ZNF74: variants seen among roughly 807,000 people sequenced by gnomAD.
ZNF74 encodes zinc finger protein 520.
Under a neutral mutation model 17.7 loss-of-function variants are expected in ZNF74, and 12 were observed. That is an observed-to-expected ratio of 0.68 (90% confidence interval 0.43 to 1.10). ZNF74 has a LOEUF of 1.10. Among genes scored for constraint, ZNF74 ranks in the 50% least tolerant of loss-of-function variants. ZNF74 has a pLI of 0.00. For synonymous variants in ZNF74, 358 were observed against 362.1 expected, an observed-to-expected ratio of 0.99 and a Z score of 0.13; for missense variants, 811 against 881.0, an observed-to-expected ratio of 0.92 and a Z score of 1.01.
At chr22:20,395,298 G>A in intron 1 of ZNF74, 35 bp from the exon 2 acceptor site, 2 of 1,525,500 alleles carry the variant, frequency 1.3e-6, no homozygotes, top group Non-Finnish European at 1.8e-6. Context: ...CGTGAGCCTG[G>A]TAGCCGTGAC....
At chr22:20,405,196 G>A (rs376193943) in intron 4 of ZNF74, among the ~76,000 whole-genome samples, 181 bp from the exon 5 acceptor site, 62 of 152,148 alleles carry the variant, frequency 4.1e-4, no homozygotes, top group African/African-American at 1.5e-3. Context: ...CCTTCTTCCC[G>A]CTCTTGCTTG....
chr22:20,405,497 C>T lies in ZNF74; in HGVS notation c.464C>T (p.Ala155Val). The change falls in exon 5 of 5, where the codon GCT becomes GTT. Residue 155 changes from alanine (A) to valine (V), a missense_variant. Coordinates refer to ENST00000400451, the MANE Select transcript of ZNF74 (RefSeq NM_003426.4). ...GAQAWGRQAG[A>V]LQRSQAAPWA... is the part of the protein sequence containing the mutation. Reference sequence around the variant, plus strand: ...CAGGCGTGGGGGCGCCAGGCAGGTGCTCTGCAGAGGAGTCAGGCTGCGCCC... The same window carrying T: ...CAGGCGTGGGGGCGCCAGGCAGGTGTTCTGCAGAGGAGTCAGGCTGCGCCC... 6.2e-7 allele frequency: 1 copy of T among 1,607,214 alleles called. No homozygotes were observed. The highest frequency in any genetic ancestry group is 8.5e-7 in the Non-Finnish European group (1 of 1,177,626).
Position 20,400,491 on chromosome 22 carries a change from T to C in ZNF74, c.121-141T>C. ...GGTCCCCGAATTCAGTCATGGTCAG[T>C]GTCTACAGCACAACCTTCTGGCATG... On this transcript the variant is annotated intron_variant, in intron 2 of 4. Transcript: ENST00000400451. The C allele has an allele frequency of 2.5e-5, 24 of 969,642 alleles. No individual in the cohort carries two copies. The South Asian group carries it at 3.2e-4, about 13-fold the overall frequency. 60.1% of individuals were successfully genotyped at this position (969,642 alleles called of 1,614,324 possible).
chr22:20,405,322 A>G, intron 4 of ZNF74, 55 bp from the exon 5 acceptor site: 1 of 1,527,214 alleles, frequency 6.5e-7, no homozygotes, highest in Non-Finnish European at 8.8e-7. Context: ...CTCAAATCTG[A>G]ATTCTAGGCC....
Position 20,405,747 on chromosome 22 carries a change from G to GC in ZNF74, c.715dup (p.Arg239ProfsTer42). 6.2e-7 allele frequency: 1 copy of GC among 1,604,920 alleles called. No homozygotes were observed. Among genetic ancestry groups the GC allele is most frequent in the Non-Finnish European group, 8.5e-7 (1 of 1,176,310 alleles). On this transcript the variant is annotated frameshift_variant, in exon 5 of 5. Transcript: ENST00000400451. LOFTEE classifies it low-confidence loss of function (END_TRUNC). ...AAAAGTTCCCCCAGGTGCGCCGGCAGCGCGGGGCGGGCGCCGGGGAGGGCG... is the reference window on the plus strand; with the variant it reads ...AAAAGTTCCCCCAGGTGCGCCGGCAGCCGCGGGGCGGGCGCCGGGGAGGGCG...
In ZNF74 at chr22:20,406,921, C is replaced by T. The variant is rs374312289; in HGVS notation, c.1888C>T (p.Pro630Ser). Residue 630 changes from proline (P) to serine (S), a missense_variant, in exon 5 of 5, where the codon CCC (proline) becomes TCC (serine). Coordinates refer to ENST00000400451, the MANE Select transcript of ZNF74 (RefSeq NM_003426.4). ...GGCAAAGCTCTTGTGCGTGGTTCCC[C>T]CCAGAGCTGGCAGGAATTTCTCCCT... The part of the protein sequence containing the change: ...DVAKLLCVVP[P>S]RAGRNFSLGS... 4 of 1,613,672 alleles carry T rather than the reference C, an allele frequency of 2.5e-6. No individual in the cohort carries two copies. The highest frequency in any genetic ancestry group is 1.7e-5 in the Admixed American group (1 of 60,004).
rs1276741805 is a variant in ZNF74 at position 20,394,275 on chromosome 22, T to C, written c.-354T>C. 1.4e-6 allele frequency: 1 copy of C among 706,642 alleles called. No individual in the cohort carries two copies. Among genetic ancestry groups the C allele is most frequent in the Non-Finnish European group, 2.6e-6 (1 of 381,774 alleles). The allele number at this position is 706,642 out of a possible 1,614,324, so 43.8% of individuals were successfully genotyped here. On this transcript the variant is annotated 5_prime_UTR_variant, in exon 1 of 5. Coordinates refer to ENST00000400451, the MANE Select transcript of ZNF74 (RefSeq NM_003426.4). Reference sequence around the variant, plus strand: ...GCTTCGGGACCTGTCCGCTGGTCGCTCCGCGTCCGATGGCTCCTGGCCGCG... The same window carrying C: ...GCTTCGGGACCTGTCCGCTGGTCGCCCCGCGTCCGATGGCTCCTGGCCGCG...
In ZNF74 at chr22:20,401,767, A is replaced by G. The variant is rs1191323126; in HGVS notation, c.343+395A>G. On this transcript the variant is annotated intron_variant, in intron 4 of 4. Transcript: ENST00000400451. The surrounding 1 kb of genome is among the most constrained non-coding windows in gnomAD (Gnocchi z 4.2). ...GAGCATCAGCATCAGGGCCAGCGTC[A>G]GCGTCAGGGTCAGAGCCAGCATCAG... Among the ~76,000 whole-genome samples, 1 of 152,120 alleles carries G rather than the reference A, an allele frequency of 6.6e-6. No individual in the cohort carries two copies. Among genetic ancestry groups the G allele is most frequent in the African/African-American group, 2.4e-5 (1 of 41,406 alleles).
rs576064890 is a variant in ZNF74 at position 20,398,274 on chromosome 22, A to T, written c.121-2358A>T. 5.1e-4 allele frequency among the ~76,000 whole-genome samples: 77 copies of T among 150,346 alleles called. 1 individual carries two copies. The highest frequency in any genetic ancestry group is 1.8e-3 in the African/African-American group (73 of 40,490). On this transcript the variant is annotated intron_variant, in intron 2 of 4. Coordinates refer to ENST00000400451, the MANE Select transcript of ZNF74 (RefSeq NM_003426.4). ...AGAGGTTGCAGTGAGCTGAGATTGCACCACTGTACTCCAGCCTGGGTGACA... is the reference window on the plus strand; with the variant it reads ...AGAGGTTGCAGTGAGCTGAGATTGCTCCACTGTACTCCAGCCTGGGTGACA...
In ZNF74 at chr22:20,401,015, A is replaced by G. The variant is rs1332398584; in HGVS notation, c.247+257A>G. ...GATAGGGGCAGGGAGAGAAGAGAAGAAGGTGGGACCCTGGAGCCCAGCTGG... is the reference window on the plus strand; with the variant it reads ...GATAGGGGCAGGGAGAGAAGAGAAGGAGGTGGGACCCTGGAGCCCAGCTGG... On this transcript the variant is annotated intron_variant, in intron 3 of 4. Transcript: ENST00000400451. The surrounding 1 kb of genome is among the most constrained non-coding windows in gnomAD (Gnocchi z 4.2). 16 of 595,968 alleles carry G rather than the reference A, an allele frequency of 2.7e-5. No homozygotes were observed. Among genetic ancestry groups the G allele is most frequent in the Non-Finnish European group, 4.7e-5 (16 of 337,038 alleles). 36.9% of individuals were successfully genotyped at this position (595,968 alleles called of 1,614,324 possible). A position where few individuals can be genotyped will look rare whatever the true frequency, so the allele number is the denominator to read the frequency against.
At position 20,401,283 on chromosome 22, in the gene ZNF74, C is replaced by T; in HGVS notation, c.254C>T (p.Pro85Leu). The T allele has an allele frequency of 6.2e-7, 1 of 1,610,038 alleles. No individual in the cohort carries two copies. The change falls in exon 4 of 5, where the codon CCA (proline) becomes CTA (leucine). Residue 85 changes from proline to leucine, a missense_variant. Transcript: ENST00000400451. This position sits in a 1 kb window ranked among gnomAD's most constrained non-coding sequence, Gnocchi z 4.2. Reference sequence around the variant, plus strand: ...ACTTTCTCTCCACGAGCAGGACCTCCACTGCACAAGCCAGATGTGATCTCT... The same window carrying T: ...ACTTTCTCTCCACGAGCAGGACCTCTACTGCACAAGCCAGATGTGATCTCT... ...NYQNLLALGP[P>L]LHKPDVISHL... is the part of the protein sequence containing the mutation.
chr22:20,399,344 C>G (rs1408253184), intron 2 of ZNF74, among the ~76,000 whole-genome samples: 1 of 150,734 alleles, frequency 6.6e-6, no homozygotes, highest in Non-Finnish European at 1.5e-5. Flanking sequence ...AGTCCTCTCT[C>G]TGAAATCTAC....
intron 4 of ZNF74, among the ~76,000 whole-genome samples, chr22:20,402,480 C>G (rs1207787453): frequency 2.7e-5 from 4 of 150,302 alleles, no homozygotes; most frequent in African/African-American, 5.0e-5. Flanking sequence ...TTCCTCTGGG[C>G]CCTTCCTCTG....
At chr22:20,396,682 C>A (rs115673348) in intron 2 of ZNF74, among the ~76,000 whole-genome samples, 63 of 152,202 alleles carry the variant, frequency 4.1e-4, no homozygotes, top group African/African-American at 1.4e-3. Flanking sequence ...CTTGTTAGAT[C>A]TTTGAATAAC....
In ZNF74 at chr22:20,404,440, A is replaced by G. The variant is rs554451515; in HGVS notation, c.344-937A>G. 2.6e-5 allele frequency among the ~76,000 whole-genome samples: 4 copies of G among 152,050 alleles called. No individual in the cohort carries two copies. In the South Asian group the frequency reaches 8.3e-4, roughly 32 times the overall value. On this transcript the variant is annotated intron_variant, in intron 4 of 4. Coordinates refer to ENST00000400451, the MANE Select transcript of ZNF74 (RefSeq NM_003426.4). ...CTCCCTAGGCTCAGGTGATCCTCCCACCTCAGCCTCCTGAGTAGCTGGGAC... is the reference window on the plus strand; with the variant it reads ...CTCCCTAGGCTCAGGTGATCCTCCCGCCTCAGCCTCCTGAGTAGCTGGGAC...
At chr22:20,397,457 G>A (rs1054549770) in intron 2 of ZNF74, among the ~76,000 whole-genome samples, 5 of 152,136 alleles carry the variant, frequency 3.3e-5, no homozygotes, top group Non-Finnish European at 5.9e-5. Flanking sequence ...TTGAGCAAAC[G>A]TATACAGTTG....
intron 2 of ZNF74, among the ~76,000 whole-genome samples, chr22:20,397,410 C>T (rs999922330): frequency 6.6e-6 from 1 of 152,092 alleles, no homozygotes; most frequent in Non-Finnish European, 1.5e-5. Context: ...TTATATACAG[C>T]ACAGTTGTAC....
chr22:20,406,278 G>A lies in ZNF74; in HGVS notation c.1245G>A (p.Pro415=), dbSNP rs756476845. 18 of 1,607,590 alleles carry A rather than the reference G, an allele frequency of 1.1e-5. No homozygotes were observed. The highest frequency in any genetic ancestry group is 3.3e-5 in the South Asian group (3 of 90,886). The stretch of plus-strand genomic sequence containing the variant: ...AGAAGATCCACAGCGGGGACAAGCC[G>A]TTCAAGTGCAGCGACTGCGAGAAGG... ...VHEKIHSGDK[P]FKCSDCEKAF... is the part of the protein sequence containing the mutation. Residue 415 remains proline (P), a synonymous_variant, in exon 5 of 5, where the codon CCG becomes CCA. Coordinates refer to ENST00000400451, the MANE Select transcript of ZNF74 (RefSeq NM_003426.4).
At position 20,407,057 on chromosome 22, in the gene ZNF74, C is replaced by T; in HGVS notation, c.*89C>T. On this transcript the variant is annotated 3_prime_UTR_variant, in exon 5 of 5. Coordinates refer to ENST00000400451, the MANE Select transcript of ZNF74 (RefSeq NM_003426.4). ...CTCCCTGGCTCCTAGATCCAGACCA[C>T]CTTCCTCCAGGTGTGGGAGCCTTGC... is the stretch of plus-strand genomic sequence containing the variant. 1 of 1,470,248 alleles carries T rather than the reference C, an allele frequency of 6.8e-7. No individual in the cohort carries two copies. Among genetic ancestry groups the T allele is most frequent in the Non-Finnish European group, 9.0e-7 (1 of 1,112,068 alleles). The allele number at this position is 1,470,248 out of a possible 1,614,324, so 91.1% of individuals were successfully genotyped here. A position where few individuals can be genotyped will look rare whatever the true frequency, so the allele number is the denominator to read the frequency against.
Sources: gnomAD v4.1 joint callset for allele counts (sites outside exome capture counted in the v4.1 genomes callset) on GRCh38, gnomAD v4.1.1 for gene constraint, Gnocchi (gnomAD v3.1) non-coding constraint, MANE v1.5 for transcripts, NCBI Gene and HGNC (gene_info 2026-07-23, HGNC 2026-07-21) for gene names.